The following TG variants were observed in gnomAD, a reference collection of about 807,000 sequenced individuals.
The protein encoded by TG is thyroglobulin.
TG carries 270 observed loss-of-function variants against 324.7 expected under a neutral mutation model. The ratio of observed to expected loss-of-function variants is 0.83; its 90% confidence interval spans 0.75 to 0.92. The LOEUF is 0.92. Among genes scored for constraint, TG ranks in the 40% least tolerant of loss-of-function variants. The pLI is 0.00. For missense variants in TG, 3,591 were observed against 3,456.4 expected, an observed-to-expected ratio of 1.04 and a Z score of -0.98; for synonymous variants, 1,401 against 1,327.0, an observed-to-expected ratio of 1.06 and a Z score of -1.21.
chr8:132,955,463 C>T (rs537027301), intron 27 of TG, among the ~76,000 whole-genome samples: 2 of 152,270 alleles, frequency 1.3e-5, no homozygotes, highest in South Asian at 2.1e-4. Flanking sequence ...ATCACAGACC[C>T]GTTTTGAATC....
rs1369687321 is a variant in TG at position 133,113,718 on chromosome 8, C to G, written c.7754+115C>G. 3.3e-6 allele frequency: 4 copies of G among 1,204,550 alleles called. No homozygotes were observed. In the East Asian group the frequency reaches 1.0e-4, roughly 31 times the overall value. 74.6% of individuals were successfully genotyped at this position (1,204,550 alleles called of 1,614,324 possible). A position where few individuals can be genotyped will look rare whatever the true frequency, so the allele number is the denominator to read the frequency against. ...GCACGTGGCTTTGTGCTTGAGGTTT[C>G]CTCTGCATCATTCATTCAGCCTACA... is the stretch of plus-strand genomic sequence containing the variant. On this transcript the variant is annotated intron_variant, in intron 44 of 47. Coordinates refer to ENST00000220616, the MANE Select transcript of TG (RefSeq NM_003235.5).
chr8:132,971,782 T>C lies in TG; in HGVS notation c.5976-12T>C. The C allele has an allele frequency of 6.2e-7, 1 of 1,607,620 alleles. No individual in the cohort carries two copies. ...AAAACCTTCAGGCCTGCTCTTTCTC[T>C]TCCTATGCCAGGTTCTTTGAATGTG... is the stretch of plus-strand genomic sequence containing the variant. On this transcript the variant is annotated splice_polypyrimidine_tract_variant and intron_variant, in intron 32 of 47. Coordinates refer to ENST00000220616, the MANE Select transcript of TG (RefSeq NM_003235.5).
intron 43 of TG, among the ~76,000 whole-genome samples, chr8:133,099,315 G>A (rs1476075440): frequency 1.3e-5 from 2 of 152,208 alleles, no homozygotes; most frequent in Non-Finnish European, 2.9e-5. Context: ...CTTGGGACAC[G>A]CATTAGTGAA....
intron 41 of TG, among the ~76,000 whole-genome samples, chr8:133,071,361 C>T (rs1221528784): frequency 6.6e-6 from 1 of 152,218 alleles, no homozygotes; most frequent in Non-Finnish European, 1.5e-5. Context: ...AGGCATCTGG[C>T]TCTAGAGCCT....
Position 133,112,364 on chromosome 8 carries a change from C to A in TG, c.7573-1058C>A, listed in dbSNP as rs533968581. 5.3e-5 allele frequency among the ~76,000 whole-genome samples: 8 copies of A among 152,332 alleles called. No individual in the cohort carries two copies. The South Asian group carries it at 1.7e-3, about 32-fold the overall frequency. ...CATAGCACAGGACTGTGCTGGGGCC[C>A]AGGAGGCTGGGCCTCACACCAGGGG... On this transcript the variant is annotated intron_variant, in intron 43 of 47. Coordinates refer to ENST00000220616, the MANE Select transcript of TG (RefSeq NM_003235.5).
chr8:132,946,400 G>A (rs1026988705), intron 26 of TG, among the ~76,000 whole-genome samples: 4 of 152,170 alleles, frequency 2.6e-5, no homozygotes, highest in Admixed American at 2.6e-4. Flanking sequence ...TCACCTCGCA[G>A]TGCTGAAAGT....
At chr8:132,867,760 C>A (rs545431705) in intron 1 of TG, among the ~76,000 whole-genome samples, 1 of 151,096 alleles carries the variant, frequency 6.6e-6, no homozygotes, top group African/African-American at 2.4e-5. Context: ...CTCCAAATAG[C>A]CTCATGGGAA....
rs568062149 is a variant in TG at position 133,110,395 on chromosome 8, C to A, written c.7573-3027C>A. On this transcript the variant is annotated intron_variant, in intron 43 of 47. Transcript: ENST00000220616. Reference sequence around the variant, plus strand: ...CAAACAGGCTGCAGCATTGAGACAGCCACTGGAACGAACTATTATATTTTC... The same window carrying A: ...CAAACAGGCTGCAGCATTGAGACAGACACTGGAACGAACTATTATATTTTC... 1.9e-4 allele frequency among the ~76,000 whole-genome samples: 29 copies of A among 152,292 alleles called. No individual in the cohort carries two copies. In the South Asian group the frequency reaches 5.8e-3, roughly 30 times the overall value.
At chr8:132,917,533 G>A (rs1292379270) in intron 20 of TG, among the ~76,000 whole-genome samples, 2 of 152,074 alleles carry the variant, frequency 1.3e-5, no homozygotes, top group East Asian at 3.9e-4. Flanking sequence ...CTGGGGAATG[G>A]GGTGTGTGGG....
At chr8:132,961,178 T>C (rs1482165277) in intron 28 of TG, 105 bp downstream of exon 28, 1 of 1,153,480 alleles carries the variant, frequency 8.7e-7, no homozygotes, top group Non-Finnish European at 1.3e-6. Flanking sequence ...GAGGAATAGG[T>C]AGAGAGTCAC....
At chr8:133,022,964 A>C (rs766007267) in intron 40 of TG, among the ~76,000 whole-genome samples, 1 of 152,336 alleles carries the variant, frequency 6.6e-6, no homozygotes, top group Non-Finnish European at 1.5e-5. Flanking sequence ...GGAGGCTTAA[A>C]TGAGGTAATA....
chr8:133,012,678 A>G (rs1023633294), intron 36 of TG, among the ~76,000 whole-genome samples: 3 of 152,168 alleles, frequency 2.0e-5, no homozygotes, highest in Non-Finnish European at 4.4e-5. Context: ...AATTCCATGA[A>G]TCTCCTTCTC....
At chr8:133,028,445 G>T (rs2130980155) in intron 40 of TG, among the ~76,000 whole-genome samples, 1 of 152,340 alleles carries the variant, frequency 6.6e-6, no homozygotes, top group South Asian at 2.1e-4. Flanking sequence ...TAAGTGGAGT[G>T]CTCAGGCAGG....
chr8:132,882,405 C>A lies in TG; in HGVS notation c.746-64C>A, dbSNP rs556450894. 345 of 1,593,714 alleles carry A rather than the reference C, an allele frequency of 2.2e-4. 1 individual carries two copies. In the South Asian group the frequency reaches 3.3e-3, roughly 15 times the overall value. Reference sequence around the variant, plus strand: ...CTGTCTCTCTCAGTATCTGTTTGCACAACAAGGTCAGGGCTTCCTTTCTGA... The same window carrying A: ...CTGTCTCTCTCAGTATCTGTTTGCAAAACAAGGTCAGGGCTTCCTTTCTGA... On this transcript the variant is annotated intron_variant, in intron 6 of 47. Coordinates refer to ENST00000220616, the MANE Select transcript of TG (RefSeq NM_003235.5).
At chr8:132,936,501 A>T (rs1418379313) in intron 25 of TG, among the ~76,000 whole-genome samples, 2 of 152,184 alleles carry the variant, frequency 1.3e-5, no homozygotes, top group Non-Finnish European at 2.9e-5. Flanking sequence ...TGGTCCGGGG[A>T]CCACACTTTG....
intron 45 of TG, among the ~76,000 whole-genome samples, chr8:133,122,927 C>T (rs1019837054): frequency 2.6e-5 from 4 of 152,050 alleles, no homozygotes; most frequent in African/African-American, 4.8e-5. Context: ...ATTTCCAGCG[C>T]GGCCTGTAAT....
chr8:133,040,196 C>T, intron 41 of TG: 1 of 1,522,252 alleles, frequency 6.6e-7, no homozygotes, highest in Non-Finnish European at 8.9e-7. Context: ...GGGGTTCAGG[C>T]CTGAGACACT....
intron 34 of TG, among the ~76,000 whole-genome samples, chr8:132,973,988 CTTTTT>C (rs869164425): frequency 3.5e-5 from 4 of 112,998 alleles, no homozygotes; most frequent in Non-Finnish European, 6.9e-5. Context: ...TTGACCATTC[CTTTTT>C]TTTTTTTTTT....
At chr8:132,891,356 A>G (rs73347492) in intron 10 of TG, among the ~76,000 whole-genome samples, 2,220 of 152,210 alleles carry the variant, frequency 0.015, 67 homozygotes, top group African/African-American at 0.051. Context: ...AATTTTTTTG[A>G]GACAGTCTTG....
Sources: allele counts gnomAD v4.1 joint callset (sites outside exome capture counted in the v4.1 genomes callset), GRCh38; gene constraint gnomAD v4.1.1; transcripts MANE v1.5; gene names NCBI Gene and HGNC (gene_info 2026-07-23, HGNC 2026-07-21).